The following NSG1 variants were observed in gnomAD, a reference collection of about 807,000 sequenced individuals.
The protein encoded by NSG1 is neuronal vesicle trafficking-associated protein 1.
NSG1 carries 9 observed loss-of-function variants against 19.3 expected under a neutral mutation model. The ratio of observed to expected loss-of-function variants is 0.47; its 90% CI spans 0.28 to 0.81. NSG1 has a LOEUF of 0.81. Among genes scored for constraint, NSG1 ranks in the 40% least tolerant of loss-of-function variants. The probability of loss-of-function intolerance (pLI) is 0.11; values close to 1 mark genes in which losing one functional copy is unlikely to be tolerated. For missense variants in NSG1, 236 were observed against 242.4 expected (o/e 0.97, Z 0.18); for synonymous variants, 104 against 107.0 (o/e 0.97, Z 0.17).
intron 3 of NSG1, among the ~76,000 whole-genome samples, chr4:4,391,848 G>C (rs1723011073): frequency 6.6e-6 from 1 of 152,170 alleles, no homozygotes; most frequent in Non-Finnish European, 1.5e-5. Context: ...CCCACAAACT[G>C]TCTTTTAGGC....
At chr4:4,391,448 CTT>C (rs1253864842) in intron 2 of NSG1, 25 bp from the exon 3 acceptor site, 7 of 1,536,960 alleles carry the variant, frequency 4.6e-6, no homozygotes, top group Non-Finnish European at 5.4e-6. Context: ...ATGCATCTGA[CTT>C]TTGTTTCTCT....
chr4:4,387,357 T>G (rs1722772607), intron 1 of NSG1, among the ~76,000 whole-genome samples, 184 bp downstream of exon 1: 1 of 152,084 alleles, frequency 6.6e-6, no homozygotes, highest in African/African-American at 2.4e-5. Flanking sequence ...CGGCGCCCCC[T>G]TCCCTGGCCG....
chr4:4,397,765 C>G (rs573020111), intron 3 of NSG1, among the ~76,000 whole-genome samples: 2 of 152,120 alleles, frequency 1.3e-5, no homozygotes, highest in African/African-American at 2.4e-5. Flanking sequence ...CTTATCCACT[C>G]GTTATAAACG....
chr4:4,413,480 TACA>T (rs1724336832), intron 4 of NSG1, among the ~76,000 whole-genome samples: 1 of 150,672 alleles, frequency 6.6e-6, no homozygotes, highest in East Asian at 2.0e-4. Context: ...ACCAGGGCTT[TACA>T]ACAAGCAGAA....
At chr4:4,399,476 T>C (rs1463759628) in intron 3 of NSG1, among the ~76,000 whole-genome samples, 2 of 137,282 alleles carry the variant, frequency 1.5e-5, no homozygotes, top group African/African-American at 5.3e-5. Context: ...GAGTTCCTTA[T>C]ATATTTTGGA....
At chr4:4,399,050 A>G (rs1409037856) in intron 3 of NSG1, among the ~76,000 whole-genome samples, 1 of 152,224 alleles carries the variant, frequency 6.6e-6, no homozygotes, top group Non-Finnish European at 1.5e-5. Flanking sequence ...GATGTCCTGC[A>G]TCTTTTCATG....
At chr4:4,389,495 G>C (rs934662173) in intron 2 of NSG1, among the ~76,000 whole-genome samples, 2 of 152,176 alleles carry the variant, frequency 1.3e-5, no homozygotes, top group Admixed American at 6.5e-5. Flanking sequence ...CTGAGCCTCA[G>C]AGCATTTATG....
Position 4,411,743 on chromosome 4 carries a change from AAAAACAAAACAAAAC to A in NSG1, c.357+2097_357+2111del, listed in dbSNP as rs56166051. Among the ~76,000 whole-genome samples the A allele has an allele frequency of 1.0e-3, 147 of 140,428 alleles. 1 individual carries two copies. The South Asian group carries it at 0.012, about 12-fold the overall frequency. The allele number at this position is 140,428 out of a possible 152,430, so 92.1% of individuals were successfully genotyped here. On this transcript the variant is annotated intron_variant, in intron 4 of 4. Transcript: ENST00000621129. ...TGGGCAACAGAGGGAGACTCCGTCT[AAAAACAAAACAAAAC>A]AAAACAAAACAAAACAAAACAAAAC...
chr4:4,411,766 A>ACACAACACAAC (rs1560147679), intron 4 of NSG1, among the ~76,000 whole-genome samples: 109 of 112,192 alleles, frequency 9.7e-4, no homozygotes, highest in African/African-American at 5.6e-3. Flanking sequence ...AACAAAACAA[A>ACACAACACAAC]ACAAAACAAA....
intron 3 of NSG1, among the ~76,000 whole-genome samples, chr4:4,399,374 C>G (rs777666763): frequency 2.0e-5 from 3 of 152,156 alleles, no homozygotes; most frequent in Non-Finnish European, 2.9e-5. Context: ...AACTCCTGGA[C>G]TCAAGCATTC....
At chr4:4,388,917 G>A (rs1049338001) in intron 2 of NSG1, among the ~76,000 whole-genome samples, 2 of 152,212 alleles carry the variant, frequency 1.3e-5, no homozygotes, top group Non-Finnish European at 2.9e-5. Flanking sequence ...CCACGGTGGT[G>A]CCACTCTGGG....
Position 4,418,496 on chromosome 4 carries a change from A to G in NSG1, c.*1061A>G, listed in dbSNP as rs1416369557. The G allele has an allele frequency of 1.3e-5, 2 of 152,680 alleles. No individual in the cohort carries two copies. Among genetic ancestry groups the G allele is most frequent in the African/African-American group, 2.4e-5 (1 of 41,468 alleles). The allele number at this position is 152,680 out of a possible 1,614,324, so 9.5% of individuals were successfully genotyped here. A position where few individuals can be genotyped will look rare whatever the true frequency, so the allele number is the denominator to read the frequency against. On this transcript the variant is annotated 3_prime_UTR_variant, in exon 5 of 5. Coordinates refer to ENST00000621129, the MANE Select transcript of NSG1 (RefSeq NM_014392.5). ...ACAAATTTCAACTCACAATCTTTGT[A>G]AGAAAATTGTTCCAGTTTGAATCTT...
At chr4:4,411,197 A>T (rs1724161151) in intron 4 of NSG1, among the ~76,000 whole-genome samples, 1 of 152,200 alleles carries the variant, frequency 6.6e-6, no homozygotes, top group Non-Finnish European at 1.5e-5. Flanking sequence ...TTTTGTAATA[A>T]CACTTAGCTT....
At chr4:4,397,755 C>T (rs1723331702) in intron 3 of NSG1, among the ~76,000 whole-genome samples, 1 of 152,166 alleles carries the variant, frequency 6.6e-6, no homozygotes, top group African/African-American at 2.4e-5. Flanking sequence ...ATATTCCCTC[C>T]TTATCCACTC....
chr4:4,407,347 G>A (rs1279088288), intron 3 of NSG1, among the ~76,000 whole-genome samples: 1 of 152,150 alleles, frequency 6.6e-6, no homozygotes, highest in Non-Finnish European at 1.5e-5. Context: ...GGGACACAGA[G>A]GGGACAGGTC....
At chr4:4,397,718 C>T (rs1411344354) in intron 3 of NSG1, among the ~76,000 whole-genome samples, 1 of 152,202 alleles carries the variant, frequency 6.6e-6, no homozygotes, top group East Asian at 1.9e-4. Flanking sequence ...GCGGCCATCA[C>T]CCAGGACCCC....
chr4:4,392,968 A>G (rs1723076415), intron 3 of NSG1, among the ~76,000 whole-genome samples: 1 of 151,964 alleles, frequency 6.6e-6, no homozygotes, highest in African/African-American at 2.4e-5. Flanking sequence ...AGACATACTG[A>G]TCCGAGGTCA....
intron 4 of NSG1, among the ~76,000 whole-genome samples, chr4:4,412,437 G>GT (rs1310362643): frequency 6.6e-6 from 1 of 151,658 alleles, no homozygotes; most frequent in African/African-American, 2.4e-5. Flanking sequence ...CTGATAAGTT[G>GT]TTCTGGAGTG....
At chr4:4,399,689 A>T (rs192923275) in intron 3 of NSG1, among the ~76,000 whole-genome samples, 1 of 152,156 alleles carries the variant, frequency 6.6e-6, no homozygotes, top group Non-Finnish European at 1.5e-5. Context: ...GCTATCTAAG[A>T]TAGCGGTCCC....
Sources: allele counts gnomAD v4.1 joint callset (sites outside exome capture counted in the v4.1 genomes callset), GRCh38; gene constraint gnomAD v4.1.1; transcripts MANE v1.5; gene names NCBI Gene and HGNC (gene_info 2026-07-23, HGNC 2026-07-21).